KIF13B: variants seen among roughly 807,000 people sequenced by gnomAD.
KIF13B encodes kinesin family member 13B.
In KIF13B, 127 loss-of-function variants were observed where a neutral mutation model predicts 222.0. The ratio of observed to expected loss-of-function variants is 0.57; its 90% CI spans 0.50 to 0.66. The LOEUF is 0.66. KIF13B is among the 30% of genes least tolerant of loss of function. The pLI is 0.00. For synonymous variants in KIF13B, 976 were observed against 919.0 expected (o/e 1.06, Z -1.12); for missense variants, 2,173 against 2,379.0 (o/e 0.91, Z 1.80).
Position 29,155,832 on chromosome 8 carries a change from T to C in KIF13B, c.1429A>G (p.Asn477Asp). 1.9e-6 allele frequency: 3 copies of C among 1,582,382 alleles called. No homozygotes were observed. The highest frequency in any genetic ancestry group is 2.6e-6 in the Non-Finnish European group (3 of 1,162,196). Reference protein sequence around the residue: ...LKEHTLIGSANSQDIQLCGMG... With the variant: ...LKEHTLIGSADSQDIQLCGMG... ...CCGCACAGTTGGATATCTTGGGAAT[T>C]TGCTGACCCTATCAATGTATGTTCC... Residue 477 changes from asparagine (N) to aspartate (D), a missense_variant, in exon 14 of 40, where the codon AAT becomes GAT. Asn to Asp is a conservative substitution (Grantham distance 23, BLOSUM62 1). This residue lies in a region of KIF13B where 1,480 missense variants were observed against 1,722.8 expected (regional missense o/e 0.86). Coordinates refer to ENST00000524189, the MANE Select transcript of KIF13B (RefSeq NM_015254.4).
chr8:29,171,971 T>C (rs1319925214), intron 10 of KIF13B, among the ~76,000 whole-genome samples: 3 of 151,816 alleles, frequency 2.0e-5, no homozygotes. Context: ...TTGGCCAGGC[T>C]GGTCTCAAAC....
At chr8:29,119,133 G>A (rs1165793117) in intron 29 of KIF13B, 141 bp from the exon 30 acceptor site, 1 of 839,630 alleles carries the variant, frequency 1.2e-6, no homozygotes, top group African/African-American at 1.7e-5. Context: ...TGACACTGAA[G>A]ATGACCACTT....
intron 1 of KIF13B, among the ~76,000 whole-genome samples, chr8:29,246,861 C>G (rs1179257469): frequency 6.6e-6 from 1 of 152,166 alleles, no homozygotes; most frequent in Non-Finnish European, 1.5e-5. Context: ...AAAGAATAGT[C>G]TTTTCAACAA....
intron 11 of KIF13B, 110 bp downstream of exon 11, chr8:29,167,263 G>C (rs1186871411): frequency 1.3e-5 from 11 of 816,136 alleles, no homozygotes; most frequent in Non-Finnish European, 2.1e-5. Context: ...TAAGAAATTC[G>C]CAAATTTTAA....
chr8:29,187,103 A>G (rs1238046484), intron 5 of KIF13B, among the ~76,000 whole-genome samples: 2 of 152,244 alleles, frequency 1.3e-5, no homozygotes, highest in Non-Finnish European at 2.9e-5. Flanking sequence ...AATTAATACT[A>G]TAGTGCCTGC....
chr8:29,238,946 G>A (rs1192469903), intron 2 of KIF13B, among the ~76,000 whole-genome samples: 1 of 152,296 alleles, frequency 6.6e-6, no homozygotes, highest in Admixed American at 6.5e-5. Flanking sequence ...GCTGAGATGG[G>A]AGGATCACTT....
rs896337683 is a variant in KIF13B, at chr8:29,150,506, T to C, written c.1536-123A>G. 2.0e-4 allele frequency: 113 copies of C among 578,158 alleles called. 1 individual carries two copies. Among genetic ancestry groups the C allele is most frequent in the Non-Finnish European group, 4.9e-5 (16 of 325,358 alleles). 35.8% of individuals were successfully genotyped at this position (578,158 alleles called of 1,614,324 possible). On this transcript the variant is annotated intron_variant, in intron 14 of 39. Transcript: ENST00000524189. ...AATAATTCCCCCAAACACAACCTGT[T>C]CTTGGTGAATTTTAATATTTGCATT...
chr8:29,259,147 T>C (rs1190543775), intron 1 of KIF13B, among the ~76,000 whole-genome samples: 2 of 152,304 alleles, frequency 1.3e-5, no homozygotes, highest in Non-Finnish European at 2.9e-5. Flanking sequence ...TAAATGGTTT[T>C]GACTGTCATC....
intron 38 of KIF13B, among the ~76,000 whole-genome samples, chr8:29,073,799 C>A (rs1225056769): frequency 1.3e-5 from 2 of 152,132 alleles, no homozygotes; most frequent in African/African-American, 4.8e-5. Context: ...CTTTTCCCCA[C>A]CAACCACACT....
At chr8:29,114,367 T>C (rs781206150) in intron 31 of KIF13B, among the ~76,000 whole-genome samples, 13 of 152,218 alleles carry the variant, frequency 8.5e-5, no homozygotes, top group Non-Finnish European at 1.8e-4. Context: ...CAATGATCTT[T>C]ACATTTTTAA....
chr8:29,094,672 G>A (rs1808441465), intron 36 of KIF13B, among the ~76,000 whole-genome samples: 1 of 152,052 alleles, frequency 6.6e-6, no homozygotes, highest in Admixed American at 6.6e-5. Context: ...TATGACCCAC[G>A]GTCAACAAAG....
chr8:29,135,783 T>C (rs1460695261), intron 21 of KIF13B, among the ~76,000 whole-genome samples: 1 of 152,116 alleles, frequency 6.6e-6, no homozygotes, highest in Non-Finnish European at 1.5e-5. Context: ...TAGTCCCAGC[T>C]ACTCCCAAAG....
chr8:29,102,596 C>T (rs945450658), intron 35 of KIF13B, among the ~76,000 whole-genome samples: 8 of 152,224 alleles, frequency 5.3e-5, no homozygotes, highest in Admixed American at 2.0e-4. Flanking sequence ...TGCTCCTCTG[C>T]CAGATACGGA....
At chr8:29,172,239 C>A (rs1016409581) in intron 10 of KIF13B, among the ~76,000 whole-genome samples, 3 of 151,976 alleles carry the variant, frequency 2.0e-5, no homozygotes, top group Non-Finnish European at 4.4e-5. Context: ...CGCCACCACG[C>A]CTGGCTAATT....
At chr8:29,222,981 G>C (rs116470156) in intron 2 of KIF13B, among the ~76,000 whole-genome samples, 1 of 151,962 alleles carries the variant, frequency 6.6e-6, no homozygotes, top group South Asian at 2.1e-4. Context: ...ATATAATCTA[G>C]AAAGCAGCTT....
intron 37 of KIF13B, among the ~76,000 whole-genome samples, chr8:29,076,167 AC>A (rs1807549415): frequency 6.6e-6 from 1 of 152,196 alleles, no homozygotes; most frequent in Admixed American, 6.5e-5. Context: ...TGGCTGTGGG[AC>A]ACAGAAGCAG....
At chr8:29,246,359 A>G (rs1816022422) in intron 1 of KIF13B, among the ~76,000 whole-genome samples, 1 of 151,942 alleles carries the variant, frequency 6.6e-6, no homozygotes, top group East Asian at 1.9e-4. Context: ...CCTGGGAGAC[A>G]AGAGCAAAAC....
At position 29,181,979 on chromosome 8, in the gene KIF13B, C is replaced by G. The variant is rs756050617; in HGVS notation, c.525G>C (p.Glu175Asp). 1 of 1,613,478 alleles carries G rather than the reference C, an allele frequency of 6.2e-7. No individual in the cohort carries two copies. The highest frequency in any genetic ancestry group is 1.1e-5 in the South Asian group (1 of 90,938). The change falls in exon 7 of 40, where the codon GAG (glutamate) becomes GAC (aspartate). Residue 175 changes from glutamate (E) to aspartate (D), a missense_variant. Coordinates refer to ENST00000524189, the MANE Select transcript of KIF13B (RefSeq NM_015254.4). ...KGSRQTLKVR[E>D]HSVLGPYVDG... ...CGACATAAGGTCCCAACACACTATG[C>G]TCTCTGACTTTCAACGTCTGACGGC...
rs1811968875 is a variant in KIF13B, at chr8:29,165,781, A to G, written c.1159-9T>C. The G allele has an allele frequency of 2.5e-6, 4 of 1,582,704 alleles. No homozygotes were observed. The highest frequency in any genetic ancestry group is 1.3e-5 in the African/African-American group (1 of 74,260). On this transcript the variant is annotated splice_polypyrimidine_tract_variant and intron_variant, in intron 11 of 39. Coordinates refer to ENST00000524189, the MANE Select transcript of KIF13B (RefSeq NM_015254.4). ...TCTGGAGATTTCATTGCCTACAAGC[A>G]AAATGTTTACTTCATGAAATGTCTA...
Sources: gnomAD v4.1 joint callset for allele counts (sites outside exome capture counted in the v4.1 genomes callset) on GRCh38, gnomAD v4.1.1 for gene constraint, gnomAD v4.1.1 regional missense constraint, MANE v1.5 for transcripts, NCBI Gene and HGNC (gene_info 2026-07-23, HGNC 2026-07-21) for gene names.